Variants in STARD13 observed in about 807,000 individuals in gnomAD.
STARD13 encodes stAR-related lipid transfer protein 13.
STARD13 carries 62 observed loss-of-function variants against 106.4 expected under a neutral mutation model. That is an observed-to-expected ratio of 0.58 (90% CI 0.48 to 0.72). STARD13 has a LOEUF of 0.72. STARD13 is among the 30% of genes least tolerant of loss of function. The probability of loss-of-function intolerance (pLI) is 0.00; values close to 1 mark genes in which losing one functional copy is unlikely to be tolerated. For synonymous variants in STARD13, 565 were observed against 553.0 expected, an observed-to-expected ratio of 1.02 and a Z score of -0.31; for missense variants, 1,387 against 1,424.0, an observed-to-expected ratio of 0.97 and a Z score of 0.42.
At chr13:33,574,525 C>T in the STARD13 span, among the ~76,000 whole-genome samples, 1 of 152,092 alleles carries the variant, frequency 6.6e-6, no homozygotes, top group East Asian at 1.9e-4. Context: ...TACTTGAGCC[C>T]AGGAGTTCGA....
the STARD13 span, among the ~76,000 whole-genome samples, chr13:33,474,271 G>A: frequency 4.6e-5 from 7 of 152,040 alleles, no homozygotes; most frequent in Admixed American, 2.0e-4. Flanking sequence ...TGGACTCTGG[G>A]GAGATATGCC....
chr13:33,202,245 G>T (rs1167924115), intron 1 of STARD13, among the ~76,000 whole-genome samples: 1 of 152,192 alleles, frequency 6.6e-6, no homozygotes, highest in Non-Finnish European at 1.5e-5. Flanking sequence ...GGACTAGTAG[G>T]TTAATAGTTA....
At chr13:33,485,226 T>C in the STARD13 span, among the ~76,000 whole-genome samples, 1 of 152,228 alleles carries the variant, frequency 6.6e-6, no homozygotes, top group Non-Finnish European at 1.5e-5. Context: ...CTAATAGTTT[T>C]ATTACTGTCT....
At chr13:33,428,443 A>G in the STARD13 span, among the ~76,000 whole-genome samples, 3 of 152,196 alleles carry the variant, frequency 2.0e-5, no homozygotes, top group African/African-American at 7.2e-5. Context: ...TAATATTAAA[A>G]ATATAAAAGG....
intron 1 of STARD13, among the ~76,000 whole-genome samples, chr13:33,242,109 C>G (rs931531050): frequency 6.6e-6 from 1 of 151,290 alleles, no homozygotes; most frequent in Admixed American, 6.6e-5. Context: ...GTCTCTGCCC[C>G]GCCGCCACCC....
At chr13:33,242,427 A>T (rs1889573618) in intron 1 of STARD13, among the ~76,000 whole-genome samples, 1 of 152,180 alleles carries the variant, frequency 6.6e-6, no homozygotes, top group South Asian at 2.1e-4. Flanking sequence ...CTGCCTTGGG[A>T]TGCTGTTAAT....
intron 1 of STARD13, among the ~76,000 whole-genome samples, chr13:33,198,243 T>C (rs1452595373): frequency 6.6e-6 from 1 of 152,234 alleles, no homozygotes; most frequent in Non-Finnish European, 1.5e-5. Context: ...AAAATCTAAA[T>C]TGTCTTTGAC....
intron 4 of STARD13, among the ~76,000 whole-genome samples, chr13:33,136,683 G>A (rs668613): frequency 0.33 from 49,447 of 152,014 alleles, 8,775 homozygotes; most frequent in Non-Finnish European, 0.41. Flanking sequence ...AGCCACACTA[G>A]GGGAGAAAAC....
the STARD13 span, among the ~76,000 whole-genome samples, chr13:33,670,401 A>AT: frequency 5.3e-5 from 8 of 152,170 alleles, no homozygotes; most frequent in Non-Finnish European, 1.0e-4. Flanking sequence ...ATCGCGTTGC[A>AT]TTTTTTTGTC....
chr13:33,393,606 A>G, the STARD13 span, among the ~76,000 whole-genome samples: 16 of 152,330 alleles, frequency 1.1e-4, no homozygotes, highest in African/African-American at 3.8e-4. Context: ...GAGAATACTA[A>G]TAAAATGATA....
chr13:33,449,807 C>T, the STARD13 span, among the ~76,000 whole-genome samples: 1 of 151,966 alleles, frequency 6.6e-6, no homozygotes, highest in African/African-American at 2.4e-5. Flanking sequence ...TCTTTTGCTT[C>T]GTTAGTTAAA....
At chr13:33,457,142 G>A in the STARD13 span, among the ~76,000 whole-genome samples, 45,533 of 152,136 alleles carry the variant, frequency 0.3, 7,597 homozygotes, top group Non-Finnish European at 0.39. Context: ...AAATGACTGT[G>A]GCAAGGAGGA....
At chr13:33,526,319 TC>T in the STARD13 span, among the ~76,000 whole-genome samples, 184 of 152,216 alleles carry the variant, frequency 1.2e-3, no homozygotes, top group African/African-American at 4.2e-3. Context: ...TGTTAATTTT[TC>T]TTTCAAGAAG....
the STARD13 span, among the ~76,000 whole-genome samples, chr13:33,423,437 G>A: frequency 6.6e-6 from 1 of 151,706 alleles, no homozygotes; most frequent in Non-Finnish European, 1.5e-5. Context: ...TAAAAAGTTA[G>A]GAAACAGCAG....
At chr13:33,134,973 T>G (rs1406998418) in intron 4 of STARD13, among the ~76,000 whole-genome samples, 1 of 152,208 alleles carries the variant, frequency 6.6e-6, no homozygotes, top group Non-Finnish European at 1.5e-5. Context: ...AACCTTAGGA[T>G]GCATGACCAG....
chr13:33,533,639 TTATA>T, the STARD13 span, among the ~76,000 whole-genome samples: 1 of 152,228 alleles, frequency 6.6e-6, no homozygotes, highest in East Asian at 1.9e-4. Context: ...GGATTTATGC[TTATA>T]TAAACTGAAA....
At chr13:33,320,751 G>A (rs568740985) in intron 1 of STARD13, among the ~76,000 whole-genome samples, 3 of 152,286 alleles carry the variant, frequency 2.0e-5, no homozygotes, top group African/African-American at 7.2e-5. Context: ...GGGGAGGACT[G>A]CTTGAGGCCA....
chr13:33,643,701 AT>A, the STARD13 span, among the ~76,000 whole-genome samples: 1 of 152,252 alleles, frequency 6.6e-6, no homozygotes, highest in Non-Finnish European at 1.5e-5. Context: ...TGGGGCAGGC[AT>A]CCTCACTTCC....
the STARD13 span, among the ~76,000 whole-genome samples, chr13:33,495,320 T>G: frequency 1.2e-4 from 18 of 152,166 alleles, no homozygotes; most frequent in Admixed American, 1.1e-3. Context: ...GACAGCTCAG[T>G]GGAAATGTGG....
Sources: allele counts gnomAD v4.1 joint callset (sites outside exome capture counted in the v4.1 genomes callset), GRCh38; gene constraint gnomAD v4.1.1; transcripts MANE v1.5; gene names NCBI Gene and HGNC (gene_info 2026-07-23, HGNC 2026-07-21).